The following RORA variants were observed in gnomAD, a reference collection of about 807,000 sequenced individuals.
RORA encodes RAR related orphan receptor A.
A neutral mutation model predicts 69.5 loss-of-function variants in RORA; 7 were observed. The observed-to-expected ratio is 0.10, with a 90% CI of 0.06 to 0.19. The LOEUF is 0.19. RORA is among the 10% of genes least tolerant of loss of function. RORA has a pLI of 1.00. For missense variants in RORA, 457 were observed against 663.0 expected, an observed-to-expected ratio of 0.69 and a Z score of 3.41; for synonymous variants, 261 against 240.8, an observed-to-expected ratio of 1.08 and a Z score of -0.78.
intron 1 of RORA, among the ~76,000 whole-genome samples, chr15:60,996,999 G>T (rs1375442905): frequency 6.6e-6 from 1 of 151,902 alleles, no homozygotes; most frequent in African/African-American, 2.4e-5. Context: ...TCCACAGTGG[G>T]TCAAAAATTT....
intron 1 of RORA, among the ~76,000 whole-genome samples, chr15:60,889,900 A>G (rs1291265448): frequency 6.6e-6 from 1 of 152,244 alleles, no homozygotes; most frequent in East Asian, 1.9e-4. Flanking sequence ...CGGACGTAAA[A>G]ATAACTTAAA....
intron 1 of RORA, among the ~76,000 whole-genome samples, chr15:61,095,156 G>A (rs1416473937): frequency 2.0e-5 from 3 of 152,046 alleles, no homozygotes; most frequent in Admixed American, 2.0e-4. Flanking sequence ...GTCAGTCCTT[G>A]GTTTTGAAAG....
At chr15:60,731,541 C>A (rs1310648083) in intron 1 of RORA, among the ~76,000 whole-genome samples, 1 of 152,162 alleles carries the variant, frequency 6.6e-6, no homozygotes, top group Non-Finnish European at 1.5e-5. Flanking sequence ...CAGTCCCCTG[C>A]CTAGAGATGG....
intron 1 of RORA, among the ~76,000 whole-genome samples, chr15:61,018,811 A>T (rs1895400380): frequency 6.6e-6 from 1 of 152,196 alleles, no homozygotes. Context: ...ACAGACACAC[A>T]TCCTCATAAA....
chr15:60,976,526 G>A (rs890434698), intron 1 of RORA, among the ~76,000 whole-genome samples: 3 of 152,076 alleles, frequency 2.0e-5, no homozygotes, highest in Non-Finnish European at 4.4e-5. Flanking sequence ...AGCATCAGCG[G>A]CGACATTTCA....
chr15:61,022,974 C>T (rs1481066793), intron 1 of RORA, among the ~76,000 whole-genome samples: 1 of 151,928 alleles, frequency 6.6e-6, no homozygotes, highest in Non-Finnish European at 1.5e-5. Context: ...CACTTGCGGT[C>T]AAGAGTTCAT....
chr15:60,670,678 T>C (rs1267894595), intron 2 of RORA, among the ~76,000 whole-genome samples: 1 of 152,194 alleles, frequency 6.6e-6, no homozygotes, highest in African/African-American at 2.4e-5. Context: ...GTGGAGAACA[T>C]TCCATTGCAA....
At chr15:60,968,417 T>C (rs1893618153) in intron 1 of RORA, among the ~76,000 whole-genome samples, 1 of 152,218 alleles carries the variant, frequency 6.6e-6, no homozygotes, top group East Asian at 1.9e-4. Context: ...CATTTTCGTT[T>C]CTAACAAGGT....
chr15:61,013,163 G>A (rs2071880722), intron 1 of RORA, among the ~76,000 whole-genome samples: 1 of 152,126 alleles, frequency 6.6e-6, no homozygotes, highest in Admixed American at 6.6e-5. Context: ...TTACTTTTCT[G>A]AGCCTCAATT....
intron 1 of RORA, among the ~76,000 whole-genome samples, chr15:61,095,210 A>G (rs1265971616): frequency 6.6e-6 from 1 of 152,150 alleles, no homozygotes; most frequent in Non-Finnish European, 1.5e-5. Context: ...GCCCAGGGAT[A>G]AGCTAGAATG....
chr15:60,587,563 A>G (rs1346749289), intron 2 of RORA, among the ~76,000 whole-genome samples: 1 of 152,236 alleles, frequency 6.6e-6, no homozygotes, highest in Non-Finnish European at 1.5e-5. Flanking sequence ...TGATGGGACT[A>G]TCAGTGACTC....
At chr15:60,638,790 ATAAG>A (rs1308414068) in intron 2 of RORA, among the ~76,000 whole-genome samples, 1 of 152,240 alleles carries the variant, frequency 6.6e-6, no homozygotes, top group Non-Finnish European at 1.5e-5. Flanking sequence ...GCAGAGGGCT[ATAAG>A]TAAGTTTTCA....
At chr15:61,008,412 C>A (rs1335355154) in intron 1 of RORA, among the ~76,000 whole-genome samples, 2 of 152,032 alleles carry the variant, frequency 1.3e-5, no homozygotes, top group Non-Finnish European at 2.9e-5. Flanking sequence ...CACCCACAAG[C>A]CAGGTATATC....
chr15:60,968,597 G>A (rs1018191568), intron 1 of RORA, among the ~76,000 whole-genome samples: 26 of 152,130 alleles, frequency 1.7e-4, no homozygotes, highest in African/African-American at 5.3e-4. Flanking sequence ...CTGGATATCA[G>A]GGATTTTGTC....
At chr15:60,577,061 A>G (rs1362958073) in intron 2 of RORA, among the ~76,000 whole-genome samples, 1 of 152,258 alleles carries the variant, frequency 6.6e-6, no homozygotes, top group African/African-American at 2.4e-5. Context: ...AAACAAAAAC[A>G]AAAATCTCTG....
chr15:60,743,343 G>T (rs1394457810), intron 1 of RORA, among the ~76,000 whole-genome samples: 1 of 152,082 alleles, frequency 6.6e-6, no homozygotes, highest in East Asian at 1.9e-4. Context: ...GACTGATACT[G>T]GTTCTATGAT....
At chr15:61,039,424 C>G (rs914689467) in intron 1 of RORA, among the ~76,000 whole-genome samples, 2 of 151,982 alleles carry the variant, frequency 1.3e-5, no homozygotes, top group African/African-American at 4.8e-5. Flanking sequence ...TTCTCAGAGA[C>G]AGTTCTCTGA....
At chr15:60,944,787 T>C (rs1243698479) in intron 1 of RORA, among the ~76,000 whole-genome samples, 1 of 150,862 alleles carries the variant, frequency 6.6e-6, no homozygotes, top group Non-Finnish European at 1.5e-5. Flanking sequence ...CCAATAATCG[T>C]CCCTGCAGAA....
intron 1 of RORA, among the ~76,000 whole-genome samples, chr15:61,042,945 G>A (rs1896853710): frequency 6.6e-6 from 1 of 152,194 alleles, no homozygotes; most frequent in African/African-American, 2.4e-5. Flanking sequence ...CAGAGAAACT[G>A]AGCAAGGGCA....
Sources: allele counts gnomAD v4.1 joint callset (sites outside exome capture counted in the v4.1 genomes callset), GRCh38; gene constraint gnomAD v4.1.1; transcripts MANE v1.5; gene names NCBI Gene and HGNC (gene_info 2026-07-23, HGNC 2026-07-21).